ACTMAP: variants seen among roughly 807,000 people sequenced by gnomAD.
ACTMAP encodes the protein actin maturation protease.
At chr19:40,742,056 GC>G in the ACTMAP span, 1 of 486,486 alleles carries the variant, frequency 2.1e-6, no homozygotes, top group South Asian at 1.5e-5. Flanking sequence ...CTAGTAGGTG[GC>G]AAGCATGAGG....
the ACTMAP span, among the ~76,000 whole-genome samples, chr19:40,748,287 A>G: frequency 6.6e-6 from 1 of 151,920 alleles, no homozygotes; most frequent in Non-Finnish European, 1.5e-5. Flanking sequence ...AACATGACAA[A>G]CCCTGTCTCT....
the ACTMAP span, among the ~76,000 whole-genome samples, chr19:40,747,538 CTAAA>C: frequency 2.8e-3 from 425 of 151,202 alleles, no homozygotes; most frequent in Non-Finnish European, 4.7e-3. Context: ...AACTCCATCT[CTAAA>C]TAAATAAATA....
chr19:40,744,298 C>A, the ACTMAP span: 1 of 1,425,612 alleles, frequency 7.0e-7, no homozygotes, highest in South Asian at 1.4e-5. Context: ...TGACCTTCCA[C>A]CCCTTGGTAC....
the ACTMAP span, chr19:40,744,437 G>T: frequency 1.3e-6 from 2 of 1,485,552 alleles, no homozygotes; most frequent in Non-Finnish European, 1.8e-6. Context: ...GCTCTACTGG[G>T]CAGTGGGAAG....
the ACTMAP span, chr19:40,744,103 A>G: frequency 6.2e-7 from 1 of 1,613,848 alleles, no homozygotes; most frequent in African/African-American, 1.3e-5. Context: ...CAGGTGCTGC[A>G]GGACGAGGTC....
At chr19:40,741,796 G>A in the ACTMAP span, 1 of 456,552 alleles carries the variant, frequency 2.2e-6, no homozygotes, top group Non-Finnish European at 4.4e-6. Context: ...CCCCCTTACA[G>A]GGTTGCCAGA....
At chr19:40,749,808 G>A in the ACTMAP span, 6 of 1,448,018 alleles carry the variant, frequency 4.1e-6, no homozygotes, top group African/African-American at 1.4e-5. Flanking sequence ...AGTCATTTTG[G>A]GGTCTACAGG....
chr19:40,744,933 TC>T, the ACTMAP span: 1 of 801,300 alleles, frequency 1.2e-6, no homozygotes, highest in South Asian at 1.7e-5. Flanking sequence ...CCAGGCTCAT[TC>T]GTTCATTCCT....
At chr19:40,744,014 T>G in the ACTMAP span, 7 of 1,614,000 alleles carry the variant, frequency 4.3e-6, no homozygotes, top group South Asian at 5.5e-5. Context: ...GGTGTGGCCC[T>G]GGGACCCACC....
the ACTMAP span, chr19:40,743,905 C>A: frequency 6.2e-7 from 1 of 1,614,006 alleles, no homozygotes; most frequent in South Asian, 1.1e-5. Context: ...GGGAACCCAC[C>A]TGCACTCACC....
chr19:40,744,542 G>A, the ACTMAP span: 1 of 1,612,694 alleles, frequency 6.2e-7, no homozygotes, highest in Non-Finnish European at 8.5e-7. Context: ...GATGGAGCAT[G>A]CAGTCACCCA....
the ACTMAP span, chr19:40,750,456 G>T: frequency 6.6e-6 from 1 of 152,260 alleles, no homozygotes; most frequent in Admixed American, 6.5e-5. Context: ...AAGGAGTCAG[G>T]AAGTAAAGTG....
the ACTMAP span, chr19:40,742,621 T>A: frequency 6.2e-7 from 1 of 1,612,630 alleles, no homozygotes; most frequent in Non-Finnish European, 8.5e-7. Context: ...TTGCCCTGCT[T>A]GGACAGCAGG....
At chr19:40,746,438 C>T in the ACTMAP span, among the ~76,000 whole-genome samples, 1 of 151,982 alleles carries the variant, frequency 6.6e-6, no homozygotes, top group East Asian at 1.9e-4. Context: ...TGCAGTGGCC[C>T]GATCTTGGCT....
the ACTMAP span, chr19:40,742,147 CAGG>C: frequency 1.6e-6 from 1 of 610,946 alleles, no homozygotes; most frequent in Admixed American, 2.1e-5. Flanking sequence ...AGGGCCCAGG[CAGG>C]AGGTTCCTCA....
the ACTMAP span, chr19:40,742,140 G>C: frequency 1.3e-5 from 8 of 597,438 alleles, no homozygotes; most frequent in East Asian, 2.9e-4. Flanking sequence ...GAAGCAGAGG[G>C]CCCAGGCAGG....
the ACTMAP span, among the ~76,000 whole-genome samples, chr19:40,743,234 ATTTT>A: frequency 2.2e-5 from 3 of 138,492 alleles, no homozygotes; most frequent in Non-Finnish European, 1.6e-5. Flanking sequence ...GCCCTGTTCT[ATTTT>A]TTTTTTTTTT....
At chr19:40,743,825 A>G in the ACTMAP span, 1 of 1,549,156 alleles carries the variant, frequency 6.5e-7, no homozygotes, top group Non-Finnish European at 8.9e-7. Context: ...CACCAGCACA[A>G]GGGGTGAGAA....
chr19:40,747,008 T>C, the ACTMAP span, among the ~76,000 whole-genome samples: 1 of 151,744 alleles, frequency 6.6e-6, no homozygotes. Context: ...GGTTTTGCCA[T>C]GTTGGCCAGG....
Sources: gnomAD v4.1 joint callset for allele counts (sites outside exome capture counted in the v4.1 genomes callset) on GRCh38, gnomAD v4.1.1 for gene constraint, MANE v1.5 for transcripts, NCBI Gene and HGNC (gene_info 2026-07-23, HGNC 2026-07-21) for gene names.